The following SEMA3A variants were observed in gnomAD, a reference collection of about 807,000 sequenced individuals.
SEMA3A encodes the protein semaphorin 3A.
Under a neutral mutation model 97.9 loss-of-function variants are expected in SEMA3A, and 29 were observed. The observed-to-expected ratio is 0.30, with a 90% CI of 0.22 to 0.40. The LOEUF is 0.40. SEMA3A is among the 10% of genes least tolerant of loss of function. The pLI, the probability that SEMA3A is intolerant of heterozygous loss-of-function variation, is 1.00. For synonymous variants in SEMA3A, 321 were observed against 323.7 expected (o/e 0.99, Z 0.09); for missense variants, 763 against 951.3 (o/e 0.80, Z 2.60).
intron 1 of SEMA3A, among the ~76,000 whole-genome samples, chr7:84,485,590 G>C (rs569859575): frequency 6.6e-6 from 1 of 152,072 alleles, no homozygotes; most frequent in Admixed American, 6.6e-5. Context: ...GCCCAGGCTA[G>C]TCATGAACTC....
chr7:84,295,437 T>G (rs1258804464), intron 3 of SEMA3A, among the ~76,000 whole-genome samples: 3 of 152,060 alleles, frequency 2.0e-5, no homozygotes, highest in Non-Finnish European at 4.4e-5. Flanking sequence ...CATTTTTAAG[T>G]TTGGAGAATA....
At chr7:84,410,867 G>A (rs1240947956) in intron 1 of SEMA3A, among the ~76,000 whole-genome samples, 1 of 151,904 alleles carries the variant, frequency 6.6e-6, no homozygotes, top group African/African-American at 2.4e-5. Context: ...GTTTTCCCAG[G>A]GTATCTGCAC....
chr7:84,072,674 C>T (rs1485387684), intron 4 of SEMA3A, among the ~76,000 whole-genome samples: 3 of 150,480 alleles, frequency 2.0e-5, no homozygotes, highest in Non-Finnish European at 3.0e-5. Context: ...ATTTGGAATA[C>T]GGAGGTGAAA....
chr7:83,996,160 A>C (rs1292834648), intron 12 of SEMA3A, among the ~76,000 whole-genome samples: 1 of 152,210 alleles, frequency 6.6e-6, no homozygotes, highest in East Asian at 1.9e-4. Flanking sequence ...ACTAGTTAAA[A>C]TAAAAATCAG....
At chr7:84,281,946 G>T (rs187699646) in intron 3 of SEMA3A, among the ~76,000 whole-genome samples, 54 of 152,158 alleles carry the variant, frequency 3.5e-4, no homozygotes, top group Admixed American at 7.2e-4. Flanking sequence ...GTATCTTCAT[G>T]GATATCTAGA....
At chr7:84,490,367 G>A (rs950003067) in intron 1 of SEMA3A, among the ~76,000 whole-genome samples, 3 of 151,954 alleles carry the variant, frequency 2.0e-5, no homozygotes, top group African/African-American at 7.3e-5. Context: ...TTTGAGTTAC[G>A]TGTGTATATT....
chr7:84,349,072 C>T (rs1310407777), intron 2 of SEMA3A, among the ~76,000 whole-genome samples: 2 of 152,134 alleles, frequency 1.3e-5, no homozygotes, highest in Admixed American at 6.6e-5. Context: ...TGTAATTCAT[C>T]AAGTTGTATA....
At chr7:84,471,636 C>T (rs1226224976) in intron 1 of SEMA3A, among the ~76,000 whole-genome samples, 1 of 152,004 alleles carries the variant, frequency 6.6e-6, no homozygotes, top group African/African-American at 2.4e-5. Context: ...CAACCTATCC[C>T]AATGGCTTTA....
rs1236382821 is a variant in SEMA3A at position 84,067,800 on chromosome 7, T to C, written c.454-7242A>G. 8.0e-3 allele frequency among the ~76,000 whole-genome samples: 1,200 copies of C among 149,900 alleles called. 26 individuals are homozygous for C. Among genetic ancestry groups the C allele is most frequent in the African/African-American group, 0.028 (1,140 of 40,684 alleles). ...AGGTGCTGGAGAGGATGTGGAGAAA[T>C]AGGAACACTTTTACACTGTTGGTGG... is the stretch of plus-strand genomic sequence containing the variant. On this transcript the variant is annotated intron_variant, in intron 4 of 16. Coordinates refer to ENST00000265362, the MANE Select transcript of SEMA3A (RefSeq NM_006080.3).
chr7:84,251,635 C>T (rs1185238086), intron 3 of SEMA3A, among the ~76,000 whole-genome samples: 1 of 152,188 alleles, frequency 6.6e-6, no homozygotes, highest in East Asian at 1.9e-4. Flanking sequence ...ACCGCCCTAG[C>T]ACTCTTTACA....
chr7:84,306,072 A>G (rs1019992320), intron 3 of SEMA3A, among the ~76,000 whole-genome samples: 2 of 151,906 alleles, frequency 1.3e-5, no homozygotes, highest in African/African-American at 4.8e-5. Flanking sequence ...TATATTTCCC[A>G]TAAAAGAATC....
At chr7:84,100,629 A>G (rs1444761485) in intron 4 of SEMA3A, among the ~76,000 whole-genome samples, 1 of 152,162 alleles carries the variant, frequency 6.6e-6, no homozygotes, top group Non-Finnish European at 1.5e-5. Flanking sequence ...TTTCTATGTG[A>G]GCCCTTTGAG....
intron 1 of SEMA3A, among the ~76,000 whole-genome samples, chr7:84,416,492 C>T (rs1342867208): frequency 6.6e-6 from 1 of 152,124 alleles, no homozygotes; most frequent in Non-Finnish European, 1.5e-5. Flanking sequence ...GTACTGCACT[C>T]ACTTACCAAA....
intron 1 of SEMA3A, among the ~76,000 whole-genome samples, chr7:84,416,455 G>A (rs997963395): frequency 1.3e-5 from 2 of 151,950 alleles, no homozygotes; most frequent in African/African-American, 4.8e-5. Flanking sequence ...ACTAATACAA[G>A]TATATACATG....
intron 3 of SEMA3A, among the ~76,000 whole-genome samples, chr7:84,214,571 A>C (rs1798701381): frequency 6.6e-6 from 1 of 152,260 alleles, no homozygotes; most frequent in Admixed American, 6.5e-5. Flanking sequence ...ACCTCAGAAG[A>C]GTTCCTAGGA....
At chr7:84,214,925 T>C (rs1798711270) in intron 3 of SEMA3A, among the ~76,000 whole-genome samples, 1 of 151,544 alleles carries the variant, frequency 6.6e-6, no homozygotes, top group Non-Finnish European at 1.5e-5. Context: ...GGTCTTGAAC[T>C]CCTGACCTTA....
At chr7:84,186,968 T>C (rs762409461) in intron 1 of SEMA3A, among the ~76,000 whole-genome samples, 6 of 152,174 alleles carry the variant, frequency 3.9e-5, no homozygotes, top group Non-Finnish European at 8.8e-5. Context: ...ATCTACTCTC[T>C]TGAGTAAGTC....
intron 1 of SEMA3A, among the ~76,000 whole-genome samples, chr7:84,480,676 A>G (rs924083867): frequency 1.3e-5 from 2 of 152,082 alleles, no homozygotes; most frequent in East Asian, 3.9e-4. Flanking sequence ...GAAACTGAAT[A>G]TTATCTGTTT....
intron 12 of SEMA3A, among the ~76,000 whole-genome samples, chr7:83,991,155 T>C (rs1055969155): frequency 2.0e-5 from 3 of 151,158 alleles, no homozygotes; most frequent in Admixed American, 1.3e-4. Context: ...CTTGTGATTT[T>C]TGTACATTGA....
Sources: allele counts gnomAD v4.1 joint callset (sites outside exome capture counted in the v4.1 genomes callset), GRCh38; gene constraint gnomAD v4.1.1; transcripts MANE v1.5; gene names NCBI Gene and HGNC (gene_info 2026-07-23, HGNC 2026-07-21).